The following CCDC28A variants were observed in gnomAD, a reference collection of about 807,000 sequenced individuals.
CCDC28A encodes coiled-coil domain containing 28A.
Under a neutral mutation model 22.1 loss-of-function variants are expected in CCDC28A, and 24 were observed. That is an observed-to-expected ratio of 1.09 (90% CI 0.79 to 1.53). CCDC28A has a LOEUF of 1.53. CCDC28A is among the 40% of genes most tolerant of loss of function. CCDC28A has a pLI of 0.00. For missense variants in CCDC28A, 170 were observed against 210.7 expected, an observed-to-expected ratio of 0.81 and a Z score of 1.20; for synonymous variants, 83 against 74.7, an observed-to-expected ratio of 1.11 and a Z score of -0.57.
chr6:138,789,557 G>T (rs141374894), intron 5 of CCDC28A, among the ~76,000 whole-genome samples: 2 of 152,214 alleles, frequency 1.3e-5, no homozygotes, highest in Non-Finnish European at 2.9e-5. Flanking sequence ...TGGCACGGTG[G>T]CTCATGCCTG....
intron 4 of CCDC28A, among the ~76,000 whole-genome samples, chr6:138,786,448 A>C (rs1264834429): frequency 6.6e-6 from 1 of 152,218 alleles, no homozygotes; most frequent in Non-Finnish European, 1.5e-5. Context: ...TTAGTTTTAG[A>C]TTCCCTATTA....
rs74551613 is a variant in CCDC28A at position 138,785,466 on chromosome 6, A to T, written c.477+85A>T. On this transcript the variant is annotated intron_variant, in intron 4 of 5. Coordinates refer to ENST00000617445, the MANE Select transcript of CCDC28A (RefSeq NM_015439.3). ...CCTTTTGAACTATTTTAATGTATAC[A>T]ATCACGTGGTTGCTAGCGTATTCAC... The T allele has an allele frequency of 3.9e-3, 3,776 of 957,638 alleles. 110 individuals carry two copies. The African/African-American group carries it at 0.055, about 14-fold the overall frequency. 59.3% of individuals were successfully genotyped at this position (957,638 alleles called of 1,614,324 possible).
intron 3 of CCDC28A, among the ~76,000 whole-genome samples, chr6:138,784,549 G>T (rs1201400347): frequency 6.6e-6 from 1 of 151,462 alleles, no homozygotes; most frequent in Non-Finnish European, 1.5e-5. Flanking sequence ...TTTTGTAGGG[G>T]TAGGGTCTTG....
At chr6:138,776,515 A>C (rs1774936737) in intron 2 of CCDC28A, among the ~76,000 whole-genome samples, 1 of 152,202 alleles carries the variant, frequency 6.6e-6, no homozygotes, top group Non-Finnish European at 1.5e-5. Context: ...ATACAAAACA[A>C]GAAAACTTTT....
intron 5 of CCDC28A, among the ~76,000 whole-genome samples, chr6:138,791,134 G>C (rs1775163140): frequency 6.6e-6 from 1 of 152,086 alleles, no homozygotes; most frequent in Non-Finnish European, 1.5e-5. Context: ...ACCCAGGCTG[G>C]AGTGCAGTGA....
At chr6:138,782,232 A>G (rs1775032621) in intron 3 of CCDC28A, among the ~76,000 whole-genome samples, 1 of 152,174 alleles carries the variant, frequency 6.6e-6, no homozygotes, top group Non-Finnish European at 1.5e-5. Flanking sequence ...ACTCTTCATA[A>G]TAAGTGTTGC....
At chr6:138,791,296 G>A (rs1775165471) in intron 5 of CCDC28A, among the ~76,000 whole-genome samples, 1 of 151,586 alleles carries the variant, frequency 6.6e-6, no homozygotes, top group Non-Finnish European at 1.5e-5. Context: ...TGCCCAGATT[G>A]GTCTCAAACT....
intron 4 of CCDC28A, 86 bp downstream of exon 4, chr6:138,785,467 A>G (rs1225361165): frequency 7.4e-6 from 7 of 947,496 alleles, no homozygotes; most frequent in Admixed American, 2.2e-5. Flanking sequence ...AATGTATACA[A>G]TCACGTGGTT....
chr6:138,776,393 C>T (rs1774934955), intron 2 of CCDC28A, 115 bp downstream of exon 2: 2 of 779,426 alleles, frequency 2.6e-6, no homozygotes, highest in African/African-American at 1.7e-5. Context: ...AGTTGAGGCA[C>T]CCATTATGCG....
chr6:138,783,397 T>C (rs1031896227), intron 3 of CCDC28A, among the ~76,000 whole-genome samples: 3 of 148,780 alleles, frequency 2.0e-5, no homozygotes, highest in African/African-American at 5.0e-5. Context: ...GCCTCCCAAG[T>C]AGCTGGTACT....
intron 1 of CCDC28A, among the ~76,000 whole-genome samples, chr6:138,775,584 A>G (rs1583519169): frequency 6.6e-6 from 1 of 152,352 alleles, no homozygotes; most frequent in East Asian, 1.9e-4. Flanking sequence ...AATGCTAGTA[A>G]AATCCCTATG....
rs3070099 is a variant in CCDC28A at position 138,788,568 on chromosome 6, C to CTTTTTTTTTTTTTTTT, written c.500+188_500+203dup. Reference sequence around the variant, plus strand: ...TTCTTTTCTTTCTCTTTTTTCTTTTCTTTTTTTTTTTTTTTTTTTTTTTCA... The same window carrying CTTTTTTTTTTTTTTTT: ...TTCTTTTCTTTCTCTTTTTTCTTTTCTTTTTTTTTTTTTTTTTTTTTTTTTTTTTTTTTTTTTTTCA... On this transcript the variant is annotated intron_variant, in intron 5 of 5. Transcript: ENST00000617445. Among the ~76,000 whole-genome samples, 297 of 92,922 alleles carry CTTTTTTTTTTTTTTTT rather than the reference C, an allele frequency of 3.2e-3. 15 individuals carry two copies. Among genetic ancestry groups the CTTTTTTTTTTTTTTTT allele is most frequent in the Non-Finnish European group, 3.9e-3 (185 of 46,928 alleles). 61.0% of individuals were successfully genotyped at this position (92,922 alleles called of 152,430 possible).
At chr6:138,789,096 A>G (rs1302915752) in intron 5 of CCDC28A, among the ~76,000 whole-genome samples, 1 of 152,242 alleles carries the variant, frequency 6.6e-6, no homozygotes, top group African/African-American at 2.4e-5. Context: ...GGATTAGCTT[A>G]AAGGACATCA....
intron 5 of CCDC28A, among the ~76,000 whole-genome samples, chr6:138,788,679 C>T (rs1156576408): frequency 6.7e-6 from 1 of 149,394 alleles, no homozygotes; most frequent in Non-Finnish European, 1.5e-5. Flanking sequence ...CAGGCTCAAG[C>T]GATCTTCCCA....
chr6:138,773,802 G>A lies in CCDC28A; in HGVS notation c.-143G>A. ...ACGGAGCTGCGGAGGAGCGGGTCCC[G>A]GGATGTGACCGGGGCTCTGCTTGTG... On this transcript the variant is annotated 5_prime_UTR_variant, in exon 1 of 6. Transcript: ENST00000617445. The A allele has an allele frequency of 1.9e-6, 3 of 1,613,984 alleles. No homozygotes were observed. The highest frequency in any genetic ancestry group is 2.5e-6 in the Non-Finnish European group (3 of 1,179,944).
chr6:138,781,607 T>C (rs1775021868), intron 3 of CCDC28A, among the ~76,000 whole-genome samples: 1 of 152,232 alleles, frequency 6.6e-6, no homozygotes, highest in Non-Finnish European at 1.5e-5. Flanking sequence ...TTTTTGCCAG[T>C]CTCTTGGTGT....
intron 5 of CCDC28A, among the ~76,000 whole-genome samples, chr6:138,789,586 A>C (rs1387500715): frequency 6.6e-6 from 1 of 152,220 alleles, no homozygotes; most frequent in Non-Finnish European, 1.5e-5. Context: ...GCACTGTGGG[A>C]GGCTGAGGCG....
chr6:138,785,376 T>G lies in CCDC28A; in HGVS notation c.472T>G (p.Ser158Ala). The G allele has an allele frequency of 6.2e-7, 1 of 1,604,924 alleles. No homozygotes were observed. Among genetic ancestry groups the G allele is most frequent in the Non-Finnish European group, 8.5e-7 (1 of 1,177,152 alleles). The change falls in exon 4 of 6, where the codon TCA (serine) becomes GCA (alanine). Residue 158 changes from serine (S) to alanine (A), a missense_variant. Ser to Ala is a moderately conservative substitution (Grantham distance 99). Coordinates refer to ENST00000617445, the MANE Select transcript of CCDC28A (RefSeq NM_015439.3). ...ASDSNLDRLL[S>A]DLEELNSSIQ... ...TGACTCCAATCTGGATAGGCTTCTG[T>G]CAGATGTAAGTGTAATTCTTTTTCT... is the stretch of plus-strand genomic sequence containing the variant.
At chr6:138,778,264 T>C (rs11155000) in intron 2 of CCDC28A, among the ~76,000 whole-genome samples, 22,989 of 152,186 alleles carry the variant, frequency 0.15, 2,004 homozygotes, top group Middle Eastern at 0.25. Flanking sequence ...GAGTACTGAA[T>C]ATACTTCCGT....
Sources: allele counts gnomAD v4.1 joint callset (sites outside exome capture counted in the v4.1 genomes callset), GRCh38; gene constraint gnomAD v4.1.1; transcripts MANE v1.5; gene names NCBI Gene and HGNC (gene_info 2026-07-23, HGNC 2026-07-21).